CEP63: variants seen among roughly 807,000 people sequenced by gnomAD.
CEP63 encodes the protein centrosomal protein 63, also known as centrosomal protein of 63 kDa.
In CEP63, 84 loss-of-function variants were observed where a neutral mutation model predicts 89.1. The observed-to-expected ratio is 0.94, with a 90% CI of 0.79 to 1.13. CEP63 has a LOEUF of 1.13. Among genes scored for constraint, CEP63 ranks in the 50% most tolerant of loss-of-function variants. The pLI is 0.00. For missense variants in CEP63, 838 were observed against 813.3 expected, an observed-to-expected ratio of 1.03 and a Z score of -0.37; for synonymous variants, 267 against 272.5, an observed-to-expected ratio of 0.98 and a Z score of 0.20.
At chr3:134,531,229 T>G (rs766068110) in intron 3 of CEP63, among the ~76,000 whole-genome samples, 3 of 152,232 alleles carry the variant, frequency 2.0e-5, no homozygotes, top group Non-Finnish European at 4.4e-5. Flanking sequence ...CTCAACACTT[T>G]ATATTTCTTA....
At chr3:134,699,205 A>T in the CEP63 span, among the ~76,000 whole-genome samples, 4 of 152,200 alleles carry the variant, frequency 2.6e-5, no homozygotes, top group Non-Finnish European at 4.4e-5. Flanking sequence ...CCATTTTAAC[A>T]CATTATGTGC....
At chr3:134,549,741 T>A (rs955475476) in intron 10 of CEP63, among the ~76,000 whole-genome samples, 1 of 152,168 alleles carries the variant, frequency 6.6e-6, no homozygotes, top group Non-Finnish European at 1.5e-5. Flanking sequence ...AGCAAAACTT[T>A]TAGATTCACA....
the CEP63 span, among the ~76,000 whole-genome samples, chr3:134,664,487 G>T: frequency 6.6e-6 from 1 of 152,238 alleles, no homozygotes; most frequent in Non-Finnish European, 1.5e-5. Flanking sequence ...GATGGGAAGA[G>T]CAAGGACAGA....
rs755803349 is a variant in CEP63 at position 134,559,321 on chromosome 3, C to G, written c.1845C>G (p.Tyr615Ter). The change falls in exon 14 of 15, where the codon TAC (tyrosine) becomes TAG (stop). Residue 615 changes from tyrosine to a stop codon, truncating the protein, a stop_gained. Transcript: ENST00000675561. LOFTEE classifies it high-confidence loss of function. ...PCSSTRSLTS[Y>*]SLCKTHSLPS... The stretch of plus-strand genomic sequence containing the variant: ...GCTCCACCAGGTCTTTGACTTCCTA[C>G]TCTCTATGTAAAACTCATTCTTTGC... 6.2e-7 allele frequency: 1 copy of G among 1,614,016 alleles called. No individual in the cohort carries two copies. The highest frequency in any genetic ancestry group is 8.5e-7 in the Non-Finnish European group (1 of 1,180,028).
chr3:134,671,259 T>C, the CEP63 span, among the ~76,000 whole-genome samples: 1 of 152,198 alleles, frequency 6.6e-6, no homozygotes, highest in African/African-American at 2.4e-5. Context: ...CTGCATATTC[T>C]CACTTATAAG....
chr3:134,552,943 T>G (rs1265486138), intron 12 of CEP63: 1 of 152,116 alleles, frequency 6.6e-6, no homozygotes. Context: ...GCATACAAGC[T>G]TCTGTGAAAC....
chr3:134,769,818 T>C, the CEP63 span, among the ~76,000 whole-genome samples: 2 of 152,358 alleles, frequency 1.3e-5, no homozygotes, highest in South Asian at 4.1e-4. Context: ...GGCCTACTTA[T>C]GCTTACCTCG....
At chr3:134,768,830 A>G in the CEP63 span, among the ~76,000 whole-genome samples, 1 of 152,230 alleles carries the variant, frequency 6.6e-6, no homozygotes, top group East Asian at 1.9e-4. Flanking sequence ...GAGACTATCC[A>G]GACTTGGCCG....
chr3:134,496,434 G>A (rs570525756), intron 2 of CEP63, among the ~76,000 whole-genome samples: 2 of 21,772 alleles, frequency 9.2e-5, no homozygotes, highest in Admixed American at 1.6e-3. Context: ...AAAAAAAAGG[G>A]GGGGGGGGCT....
At chr3:134,676,335 T>C in the CEP63 span, among the ~76,000 whole-genome samples, 60 of 152,244 alleles carry the variant, frequency 3.9e-4, no homozygotes, top group African/African-American at 1.4e-3. Context: ...TCACAAAAGA[T>C]GACATATCAT....
At chr3:134,528,013 C>T (rs1214414051) in intron 3 of CEP63, among the ~76,000 whole-genome samples, 1 of 152,188 alleles carries the variant, frequency 6.6e-6, no homozygotes, top group African/African-American at 2.4e-5. Context: ...GCTTGCTGCC[C>T]CTATCACTTC....
At chr3:134,513,403 CTTTAATA>C (rs901592342) in intron 3 of CEP63, among the ~76,000 whole-genome samples, 3 of 152,122 alleles carry the variant, frequency 2.0e-5, no homozygotes, top group Admixed American at 2.0e-4. Flanking sequence ...TTATTTCAGA[CTTTAATA>C]TTTGATAATG....
chr3:134,594,937 T>G, the CEP63 span, among the ~76,000 whole-genome samples: 1 of 152,206 alleles, frequency 6.6e-6, no homozygotes, highest in Non-Finnish European at 1.5e-5. Context: ...TTGCGTGGAA[T>G]CCTCCTGGAG....
At chr3:134,506,972 T>C (rs572203890) in intron 2 of CEP63, 137 bp from the exon 3 acceptor site, 2 of 535,454 alleles carry the variant, frequency 3.7e-6, no homozygotes, top group East Asian at 6.8e-5. Context: ...TTGCTTCTGG[T>C]AATTTATTAA....
At chr3:134,731,169 A>C in the CEP63 span, among the ~76,000 whole-genome samples, 3 of 152,196 alleles carry the variant, frequency 2.0e-5, no homozygotes, top group African/African-American at 7.2e-5. Context: ...GACACAACAC[A>C]CTGGGAAATT....
At position 134,561,781 on chromosome 3, in the gene CEP63, C is replaced by T. The variant is rs966884482; in HGVS notation, c.*246C>T. On this transcript the variant is annotated 3_prime_UTR_variant, in exon 15 of 15. Transcript: ENST00000675561. ...CACTTTGCTAGACTTTTTTCTCATACGAATATTTATTATCATAAAGTGATA... is the reference window on the plus strand; with the variant it reads ...CACTTTGCTAGACTTTTTTCTCATATGAATATTTATTATCATAAAGTGATA... 6.4e-5 allele frequency: 83 copies of T among 1,295,314 alleles called. No individual in the cohort carries two copies. In the African/African-American group the frequency reaches 6.4e-4, roughly 10 times the overall value. 80.2% of individuals were successfully genotyped at this position (1,295,314 alleles called of 1,614,324 possible).
downstream of CEP63, chr3:134,565,049 A>G (rs1373530755): frequency 5.7e-6 from 5 of 871,374 alleles, no homozygotes; most frequent in African/African-American, 3.6e-5. Context: ...TAGTGTCTTA[A>G]CACACATTTT....
At chr3:134,557,207 G>C (rs957747397) in intron 12 of CEP63, among the ~76,000 whole-genome samples, 10 of 151,984 alleles carry the variant, frequency 6.6e-5, no homozygotes, top group African/African-American at 2.4e-4. Flanking sequence ...ATGTCCTGCA[G>C]ATGTTCTTCT....
At chr3:134,533,627 C>G (rs868242675) in intron 5 of CEP63, among the ~76,000 whole-genome samples, 10 of 152,164 alleles carry the variant, frequency 6.6e-5, no homozygotes, top group African/African-American at 2.2e-4. Flanking sequence ...CTTCGTCTGT[C>G]CTTGCCATTA....
Sources: gnomAD v4.1 joint callset for allele counts (sites outside exome capture counted in the v4.1 genomes callset) on GRCh38, gnomAD v4.1.1 for gene constraint, MANE v1.5 for transcripts, NCBI Gene and HGNC (gene_info 2026-07-23, HGNC 2026-07-21) for gene names.